Variants in BCAS3 observed in about 807,000 individuals in gnomAD.
BCAS3 encodes BCAS3 microtubule associated cell migration factor.
BCAS3 carries 53 observed loss-of-function variants against 116.1 expected under a neutral mutation model. That is an observed-to-expected ratio of 0.46 (90% CI 0.37 to 0.57). The LOEUF (loss-of-function observed/expected upper bound fraction) is 0.57, where lower values mean the gene tolerates loss of function less well. Ranked by LOEUF, BCAS3 falls within the 20% of genes least tolerant of loss-of-function variation. The pLI, the probability that BCAS3 is intolerant of heterozygous loss-of-function variation, is 0.00. For synonymous variants in BCAS3, 391 were observed against 408.2 expected (o/e 0.96, Z 0.51); for missense variants, 917 against 1,165.4 (o/e 0.79, Z 3.10).
chr17:60,829,199 T>C (rs542112440), intron 7 of BCAS3, among the ~76,000 whole-genome samples: 9 of 152,138 alleles, frequency 5.9e-5, no homozygotes, highest in Admixed American at 5.9e-4. Context: ...ATGTAATGTA[T>C]AACAATAGTA....
chr17:61,279,107 T>A lies in BCAS3; in HGVS notation c.2426-89220T>A, dbSNP rs1037126323. 6.6e-6 allele frequency among the ~76,000 whole-genome samples: 1 copy of A among 151,948 alleles called. No individual in the cohort carries two copies. The highest frequency in any genetic ancestry group is 2.4e-5 in the African/African-American group (1 of 41,372). Reference sequence around the variant, plus strand: ...GATTACAGGCATGTGCCACCATGCCTGGCTAATTTTTGTATCTTTAGTAGA... The same window carrying A: ...GATTACAGGCATGTGCCACCATGCCAGGCTAATTTTTGTATCTTTAGTAGA... On this transcript the variant is annotated intron_variant, in intron 22 of 23. Transcript: ENST00000407086. The surrounding 1 kb of genome is among the most constrained non-coding windows in gnomAD (Gnocchi z 4.4).
chr17:60,795,165 T>C (rs970072817), intron 6 of BCAS3, among the ~76,000 whole-genome samples: 7 of 152,168 alleles, frequency 4.6e-5, no homozygotes, highest in Admixed American at 3.3e-4. Context: ...TATTTTATTT[T>C]TATTTTTGCA....
chr17:60,761,752 C>G (rs1442298575), intron 6 of BCAS3, among the ~76,000 whole-genome samples: 1 of 146,882 alleles, frequency 6.8e-6, no homozygotes, highest in African/African-American at 2.7e-5. Flanking sequence ...AATGGTATTT[C>G]TAGTTCTAGA....
At chr17:61,046,486 T>C (rs1296852307) in intron 19 of BCAS3, among the ~76,000 whole-genome samples, 1 of 151,746 alleles carries the variant, frequency 6.6e-6, no homozygotes, top group Non-Finnish European at 1.5e-5. Context: ...TGGTACTATA[T>C]TTGCATATGA....
Position 61,286,343 on chromosome 17 carries a change from T to C in BCAS3, c.2426-81984T>C, listed in dbSNP as rs1337672556. Among the ~76,000 whole-genome samples the C allele has an allele frequency of 6.6e-6, 1 of 152,228 alleles. No homozygotes were observed. Among genetic ancestry groups the C allele is most frequent in the African/African-American group, 2.4e-5 (1 of 41,460 alleles). ...CGTGAGCAGATGAAGCAGAGGTTGC[T>C]GGGTTTATACTGATGTCTGCGCCCA... On this transcript the variant is annotated intron_variant, in intron 22 of 23. Transcript: ENST00000407086. This position sits in a 1 kb window ranked among gnomAD's most constrained non-coding sequence, Gnocchi z 4.8.
chr17:60,699,220 T>C (rs1182721493), intron 4 of BCAS3, among the ~76,000 whole-genome samples: 1 of 133,184 alleles, frequency 7.5e-6, no homozygotes. Context: ...TATTTACTTA[T>C]TTATTTATTT....
Position 61,343,307 on chromosome 17 carries a change from G to A in BCAS3, c.2426-25020G>A, listed in dbSNP as rs1045178492. 6.6e-6 allele frequency among the ~76,000 whole-genome samples: 1 copy of A among 152,208 alleles called. No homozygotes were observed. Among genetic ancestry groups the A allele is most frequent in the Non-Finnish European group, 1.5e-5 (1 of 68,040 alleles). ...TCAATTGTGCACCGTTGTGTATGGT[G>A]CCAGAGTAGCTTCTGAATGGAGAGA... On this transcript the variant is annotated intron_variant, in intron 22 of 23. Coordinates refer to ENST00000407086, the MANE Select transcript of BCAS3 (RefSeq NM_017679.5). The surrounding 1 kb of genome is among the most constrained non-coding windows in gnomAD (Gnocchi z 5.5).
In BCAS3 at chr17:61,286,887, T is replaced by C. The variant is rs184975853; in HGVS notation, c.2426-81440T>C. Reference sequence around the variant, plus strand: ...TTCATTTATTCATTCACTGAAACTTTATGGGCCACCTACTGAGCCAGACAC... The same window carrying C: ...TTCATTTATTCATTCACTGAAACTTCATGGGCCACCTACTGAGCCAGACAC... On this transcript the variant is annotated intron_variant, in intron 22 of 23. Coordinates refer to ENST00000407086, the MANE Select transcript of BCAS3 (RefSeq NM_017679.5). The surrounding 1 kb of genome is among the most constrained non-coding windows in gnomAD (Gnocchi z 4.8). 6.0e-4 allele frequency among the ~76,000 whole-genome samples: 91 copies of C among 152,274 alleles called. 2 individuals are homozygous for C. The highest frequency in any genetic ancestry group is 2.2e-3 in the African/African-American group (90 of 41,564).
At chr17:60,746,264 C>T (rs2042006996) in intron 5 of BCAS3, among the ~76,000 whole-genome samples, 1 of 152,066 alleles carries the variant, frequency 6.6e-6, no homozygotes. Context: ...TTCCCCTTCC[C>T]CACCTCCTCC....
chr17:60,785,946 T>C (rs970545564), intron 6 of BCAS3, among the ~76,000 whole-genome samples: 1 of 152,182 alleles, frequency 6.6e-6, no homozygotes, highest in African/African-American at 2.4e-5. Flanking sequence ...ATTCACCTTG[T>C]ATTAGATATT....
chr17:61,026,518 TCTCA>T lies in BCAS3; in HGVS notation c.1638-8144_1638-8141del, dbSNP rs2066256569. Among the ~76,000 whole-genome samples the T allele has an allele frequency of 6.6e-6, 1 of 152,074 alleles. No individual in the cohort carries two copies. The highest frequency in any genetic ancestry group is 6.6e-5 in the Admixed American group (1 of 15,240). ...ATAGCTACACATTTGTTGCTATTGA[TCTCA>T]CTCTTCTCCATCTGGTTATTCCATT... On this transcript the variant is annotated intron_variant, in intron 16 of 23. Coordinates refer to ENST00000407086, the MANE Select transcript of BCAS3 (RefSeq NM_017679.5). This position sits in a 1 kb window ranked among gnomAD's most constrained non-coding sequence, Gnocchi z 5.0.
intron 22 of BCAS3, among the ~76,000 whole-genome samples, chr17:61,357,248 ATAAATAAATAAATAAATAAATTAATTAAT>A (rs2058190239): frequency 7.3e-6 from 1 of 137,102 alleles, no homozygotes; most frequent in African/African-American, 2.7e-5. Context: ...TCTACAAAAA[ATAAATAAATAAATAAATAAATTAATTAAT>A]TAAATAAATA....
chr17:61,325,859 A>C lies in BCAS3; in HGVS notation c.2426-42468A>C, dbSNP rs1333121786. On this transcript the variant is annotated intron_variant, in intron 22 of 23. Coordinates refer to ENST00000407086, the MANE Select transcript of BCAS3 (RefSeq NM_017679.5). This position sits in a 1 kb window ranked among gnomAD's most constrained non-coding sequence, Gnocchi z 6.4. ...CCCTGGGGACAGTCATCTGGGACCC[A>C]GTCATGCTGAATGTTTCTCTCACTA... Among the ~76,000 whole-genome samples, 2 of 152,216 alleles carry C rather than the reference A, an allele frequency of 1.3e-5. No individual in the cohort carries two copies. Among genetic ancestry groups the C allele is most frequent in the African/African-American group, 4.8e-5 (2 of 41,456 alleles).
At chr17:60,945,282 A>G (rs1668389150) in intron 13 of BCAS3, among the ~76,000 whole-genome samples, 1 of 152,218 alleles carries the variant, frequency 6.6e-6, no homozygotes, top group Non-Finnish European at 1.5e-5. Flanking sequence ...GTGTTAATAG[A>G]TCAGAAGGCA....
rs2080963527 is a variant in BCAS3, at chr17:61,203,612, G to C, written c.2425+119048G>C. On this transcript the variant is annotated intron_variant, in intron 22 of 23. Coordinates refer to ENST00000407086, the MANE Select transcript of BCAS3 (RefSeq NM_017679.5). The surrounding 1 kb of genome is among the most constrained non-coding windows in gnomAD (Gnocchi z 5.7). Reference sequence around the variant, plus strand: ...TTACAGACTAGTTAGGGAGAAAAGTGATCAAAAAACACTTGATATTTTTAA... The same window carrying C: ...TTACAGACTAGTTAGGGAGAAAAGTCATCAAAAAACACTTGATATTTTTAA... 6.6e-6 allele frequency among the ~76,000 whole-genome samples: 1 copy of C among 152,084 alleles called. No homozygotes were observed.
At chr17:60,863,763 T>C (rs1320845527) in intron 7 of BCAS3, among the ~76,000 whole-genome samples, 1 of 152,070 alleles carries the variant, frequency 6.6e-6, no homozygotes, top group Non-Finnish European at 1.5e-5. Context: ...AAAAAAGGTA[T>C]GTTTACACTA....
intron 19 of BCAS3, among the ~76,000 whole-genome samples, chr17:61,048,611 T>C (rs1198919614): frequency 3.9e-5 from 6 of 152,110 alleles, no homozygotes; most frequent in African/African-American, 1.4e-4. Context: ...GTGGCCACTT[T>C]TAAGCTATAA....
intron 14 of BCAS3, among the ~76,000 whole-genome samples, chr17:60,970,283 A>G (rs901446570): frequency 3.9e-5 from 6 of 152,196 alleles, no homozygotes; most frequent in Non-Finnish European, 5.9e-5. Context: ...TGAAAATGGC[A>G]TACTAAAAAA....
At chr17:61,353,372 C>T (rs1033504308) in intron 22 of BCAS3, among the ~76,000 whole-genome samples, 15 of 152,152 alleles carry the variant, frequency 9.9e-5, no homozygotes, top group African/African-American at 1.2e-4. Flanking sequence ...CTGGTGACGC[C>T]GGCGGTCTGG....
Sources: gnomAD v4.1 joint callset for allele counts (sites outside exome capture counted in the v4.1 genomes callset) on GRCh38, gnomAD v4.1.1 for gene constraint, Gnocchi (gnomAD v3.1) non-coding constraint, MANE v1.5 for transcripts, NCBI Gene and HGNC (gene_info 2026-07-23, HGNC 2026-07-21) for gene names.